AP3D1: variants seen among roughly 807,000 people sequenced by gnomAD.
AP3D1 encodes adaptor related protein complex 3 subunit delta 1.
A neutral mutation model predicts 147.6 loss-of-function variants in AP3D1; 51 were observed. The observed-to-expected ratio is 0.35, with a 90% CI of 0.28 to 0.44. The LOEUF is 0.44. Ranked by LOEUF, AP3D1 falls within the 20% of genes least tolerant of loss-of-function variation. AP3D1 has a pLI of 1.00. For missense variants in AP3D1, 1,421 were observed against 1,624.2 expected, an observed-to-expected ratio of 0.87 and a Z score of 2.15; for synonymous variants, 760 against 663.0, an observed-to-expected ratio of 1.15 and a Z score of -2.25.
At chr19:2,129,238 C>A in intron 7 of AP3D1, 75 bp from the exon 8 acceptor site, 1 of 1,611,400 alleles carries the variant, frequency 6.2e-7, no homozygotes, top group South Asian at 1.1e-5. Context: ...GGGCCTCGGT[C>A]ACCCGCAGGG....
rs974981612 is a variant in AP3D1, at chr19:2,116,444, T to G, written c.2001+161A>C. Among the ~76,000 whole-genome samples, 3 of 152,224 alleles carry G rather than the reference T, an allele frequency of 2.0e-5. No homozygotes were observed. The South Asian group carries it at 6.2e-4, about 32-fold the overall frequency. On this transcript the variant is annotated intron_variant, in intron 17 of 31. Coordinates refer to ENST00000643116, the MANE Select transcript of AP3D1 (RefSeq NM_001261826.3). The stretch of plus-strand genomic sequence containing the variant: ...GGCCCGCAATTGGGAAGAGCACGTA[T>G]TGGGGGAAAAGGAATCGCTAACGCT...
intron 8 of AP3D1, among the ~76,000 whole-genome samples, chr19:2,127,554 T>A (rs2018791951): frequency 1.3e-5 from 2 of 152,222 alleles, no homozygotes; most frequent in Non-Finnish European, 2.9e-5. Context: ...AGACGGAGTC[T>A]CGCTCTGTTG....
intron 15 of AP3D1, among the ~76,000 whole-genome samples, chr19:2,117,683 C>T (rs986259175): frequency 8.5e-5 from 13 of 152,266 alleles, no homozygotes; most frequent in Non-Finnish European, 1.8e-4. Context: ...GCGGGCTCCC[C>T]GCCTCTGTGC....
Position 2,104,098 on chromosome 19 carries a change from G to A in AP3D1, c.3553-1830C>T, listed in dbSNP as rs141721073. On this transcript the variant is annotated intron_variant, in intron 31 of 31. Transcript: ENST00000643116. ...AAGACACCAACACCCAGACCCCAAC[G>A]CCGAGGCACCAACTCCAAGACGCCA... 6.5e-4 allele frequency among the ~76,000 whole-genome samples: 89 copies of A among 137,576 alleles called. 1 individual carries two copies. Among genetic ancestry groups the A allele is most frequent in the African/African-American group, 2.2e-3 (82 of 38,124 alleles). The allele number at this position is 137,576 out of a possible 152,430, so 90.3% of individuals were successfully genotyped here.
intron 1 of AP3D1, among the ~76,000 whole-genome samples, chr19:2,158,250 G>T (rs1035405806): frequency 1.3e-5 from 2 of 151,878 alleles, no homozygotes; most frequent in African/African-American, 4.8e-5. Flanking sequence ...TAGAGACGGG[G>T]TTTCACCACA....
In AP3D1 at chr19:2,121,032, G is replaced by A. The variant is rs534918702; in HGVS notation, c.1311C>T (p.Ile437=). The stretch of plus-strand genomic sequence containing the variant: ...TGGCCACGTCCAGCATTTGGGCGGC[G>A]ATGAGGTGGCCGTGCCGTGTGCCCT... The part of the protein sequence containing the change: ...RLEGTRHGHL[I]AAQMLDVAIR... Residue 437 remains isoleucine, a synonymous_variant, in exon 14 of 32, where the codon ATC becomes ATT. Coordinates refer to ENST00000643116, the MANE Select transcript of AP3D1 (RefSeq NM_001261826.3). 6.5e-5 allele frequency: 105 copies of A among 1,612,740 alleles called. No homozygotes were observed. Among genetic ancestry groups the A allele is most frequent in the Middle Eastern group, 1.6e-4 (1 of 6,062 alleles).
At chr19:2,109,724 G>T in intron 29 of AP3D1, 149 bp downstream of exon 29, 2 of 739,140 alleles carry the variant, frequency 2.7e-6, no homozygotes, top group Admixed American at 2.3e-5. Context: ...ACACCAGGCA[G>T]CCTGACCTGC....
intron 8 of AP3D1, 25 bp from the exon 9 acceptor site, chr19:2,127,226 G>T (rs373920523): frequency 6.2e-7 from 1 of 1,612,446 alleles, no homozygotes. Context: ...ACAGGGAAGC[G>T]GCATGAGGAC....
At chr19:2,155,234 C>T (rs2019635254), upstream of AP3D1, among the ~76,000 whole-genome samples, 1 of 151,624 alleles carries the variant, frequency 6.6e-6, no homozygotes, top group Non-Finnish European at 1.5e-5. Flanking sequence ...GGTTGCCATA[C>T]CTGTAGTCCC....
intron 1 of AP3D1, among the ~76,000 whole-genome samples, chr19:2,147,920 C>T (rs991293526): frequency 1.3e-5 from 2 of 151,102 alleles, no homozygotes; most frequent in Non-Finnish European, 2.9e-5. Flanking sequence ...CACCGTGGCT[C>T]ACACCTGTAA....
chr19:2,113,447 G>T, intron 22 of AP3D1, 34 bp from the exon 23 acceptor site: 1 of 1,345,004 alleles, frequency 7.4e-7, no homozygotes, highest in Non-Finnish European at 9.9e-7. Context: ...AGCAAACGCA[G>T]TGCAATGGTC....
intron 12 of AP3D1, 113 bp downstream of exon 12, chr19:2,121,621 T>C (rs1257434259): frequency 7.2e-6 from 10 of 1,393,206 alleles, no homozygotes; most frequent in Non-Finnish European, 9.5e-6. Context: ...CCACACTAAC[T>C]GATGGCCGAG....
intron 9 of AP3D1, among the ~76,000 whole-genome samples, chr19:2,125,547 A>C (rs1251379306): frequency 6.6e-6 from 1 of 152,046 alleles, no homozygotes; most frequent in Non-Finnish European, 1.5e-5. Flanking sequence ...TTGAACTCCT[A>C]ACCTCAGGTG....
At chr19:2,124,880 G>A (rs138213779) in intron 9 of AP3D1, among the ~76,000 whole-genome samples, 4 of 152,230 alleles carry the variant, frequency 2.6e-5, no homozygotes, top group African/African-American at 9.6e-5. Context: ...CAGAGGTTGC[G>A]GTGAGCCAAG....
chr19:2,119,967 A>T (rs1214236004), intron 14 of AP3D1, among the ~76,000 whole-genome samples: 5 of 152,148 alleles, frequency 3.3e-5, no homozygotes, highest in Admixed American at 3.3e-4. Flanking sequence ...AGGGGAAAAA[A>T]AGAAAATGAC....
chr19:2,135,451 G>A lies in AP3D1; in HGVS notation c.354+1560C>T, dbSNP rs138553500. ...CTCGGGAGGCTGAGGCAGTAGAATC[G>A]CTTGAACCCAGGAGGCAGAGGTTGC... On this transcript the variant is annotated intron_variant, in intron 4 of 31. Transcript: ENST00000643116. Among the ~76,000 whole-genome samples, 44 of 152,178 alleles carry A rather than the reference G, an allele frequency of 2.9e-4. 1 individual carries two copies. Among genetic ancestry groups the A allele is most frequent in the African/African-American group, 1.0e-3 (42 of 41,524 alleles).
At chr19:2,117,806 C>T (rs2018501178) in intron 15 of AP3D1, among the ~76,000 whole-genome samples, 1 of 152,262 alleles carries the variant, frequency 6.6e-6, no homozygotes. Flanking sequence ...GGGCCACGCC[C>T]CATGCAGCCT....
intron 27 of AP3D1, 148 bp from the exon 28 acceptor site, chr19:2,110,372 GA>G (rs1332551831): frequency 2.8e-6 from 2 of 714,082 alleles, no homozygotes; most frequent in Non-Finnish European, 4.8e-6. Flanking sequence ...GACAGGAGCA[GA>G]AACAAGAGGC....
At chr19:2,147,487 C>T (rs1160039726) in intron 1 of AP3D1, among the ~76,000 whole-genome samples, 1 of 143,654 alleles carries the variant, frequency 7.0e-6, no homozygotes, top group African/African-American at 2.6e-5. Flanking sequence ...ACCCAGGAGG[C>T]GGAACTTGCA....
Sources: allele counts gnomAD v4.1 joint callset (sites outside exome capture counted in the v4.1 genomes callset), GRCh38; gene constraint gnomAD v4.1.1; transcripts MANE v1.5; gene names NCBI Gene and HGNC (gene_info 2026-07-23, HGNC 2026-07-21).